ASS1: variants seen among roughly 807,000 people sequenced by gnomAD.
ASS1 encodes the protein argininosuccinate synthase.
ASS1 carries 58 observed loss-of-function variants against 60.5 expected under a neutral mutation model. The observed-to-expected ratio is 0.96, with a 90% CI of 0.78 to 1.19. The LOEUF (loss-of-function observed/expected upper bound fraction) is 1.19, where lower values mean the gene tolerates loss of function less well. ASS1 is among the 50% of genes most tolerant of loss of function. The probability of loss-of-function intolerance (pLI) is 0.00; values close to 1 mark genes in which losing one functional copy is unlikely to be tolerated. For synonymous variants in ASS1, 200 were observed against 206.9 expected (o/e 0.97, Z 0.29); for missense variants, 454 against 547.3 (o/e 0.83, Z 1.70).
rs546095667 is a variant in ASS1, at chr9:130,476,739, G to A, written c.598-132G>A. On this transcript the variant is annotated intron_variant, in intron 8 of 14. Transcript: ENST00000352480. The surrounding 1 kb of genome is among the most constrained non-coding windows in gnomAD (Gnocchi z 4.9). ...TGCTAGGCTGAGGGCTGGGGACCGGGGGATCTGCCGGACCCCACCAGCTGG... is the reference window on the plus strand; with the variant it reads ...TGCTAGGCTGAGGGCTGGGGACCGGAGGATCTGCCGGACCCCACCAGCTGG... 10 of 865,422 alleles carry A rather than the reference G, an allele frequency of 1.2e-5. No homozygotes were observed. In the South Asian group the frequency reaches 1.3e-4, roughly 12 times the overall value. The allele number at this position is 865,422 out of a possible 1,614,324, so 53.6% of individuals were successfully genotyped here.
intron 1 of ASS1, among the ~76,000 whole-genome samples, chr9:130,451,427 G>A (rs538820632): frequency 5.3e-5 from 8 of 152,130 alleles, no homozygotes; most frequent in Admixed American, 5.2e-4. Context: ...TCCACACTGG[G>A]GGAAGTTGGT....
intron 13 of ASS1, among the ~76,000 whole-genome samples, chr9:130,499,223 G>A (rs1443940813): frequency 6.6e-6 from 1 of 152,184 alleles, no homozygotes; most frequent in East Asian, 1.9e-4. Flanking sequence ...GGCTAGTTCT[G>A]GGGTGGCTGC....
intron 8 of ASS1, 57 bp downstream of exon 8, chr9:130,471,572 A>C: frequency 6.4e-7 from 1 of 1,558,530 alleles, no homozygotes; most frequent in Non-Finnish European, 8.9e-7. Flanking sequence ...TAGCAGCTCC[A>C]TGCCGATGCT....
chr9:130,452,393 C>T (rs1845348810), intron 2 of ASS1, 60 bp downstream of exon 2: 5 of 1,445,684 alleles, frequency 3.5e-6, no homozygotes, highest in Non-Finnish European at 4.9e-6. Flanking sequence ...CCTGTCTGCC[C>T]CCTGCCAGCC....
intron 8 of ASS1, among the ~76,000 whole-genome samples, chr9:130,473,566 A>G (rs938141108): frequency 6.6e-5 from 10 of 152,130 alleles, no homozygotes; most frequent in African/African-American, 2.2e-4. Flanking sequence ...AGACTCCCCA[A>G]GGGCTTTGTG....
chr9:130,493,532 C>T (rs545660200), intron 12 of ASS1, among the ~76,000 whole-genome samples: 104 of 152,294 alleles, frequency 6.8e-4, no homozygotes, highest in Admixed American at 4.6e-3. Flanking sequence ...GCCCCAGGAC[C>T]CCATCCCAGA....
In ASS1 at chr9:130,490,560, C is replaced by T. The variant is rs183093646; in HGVS notation, c.970+1096C>T. 6.0e-3 allele frequency among the ~76,000 whole-genome samples: 913 copies of T among 152,164 alleles called. 8 individuals are homozygous for T. Among genetic ancestry groups the T allele is most frequent in the African/African-American group, 0.02 (827 of 41,486 alleles). On this transcript the variant is annotated intron_variant, in intron 12 of 14. Coordinates refer to ENST00000352480, the MANE Select transcript of ASS1 (RefSeq NM_054012.4). ...AACTCCTGATCTCAGGTGATCCGCCCGTCTTGGCCTCCCAAAGTGCTAGGA... is the reference window on the plus strand; with the variant it reads ...AACTCCTGATCTCAGGTGATCCGCCTGTCTTGGCCTCCCAAAGTGCTAGGA...
intron 5 of ASS1, among the ~76,000 whole-genome samples, chr9:130,465,406 T>A (rs185037357): frequency 4.0e-4 from 61 of 152,390 alleles, no homozygotes; most frequent in Non-Finnish European, 6.9e-4. Context: ...TCCAAAATAT[T>A]ATCATTCCTC....
intron 11 of ASS1, among the ~76,000 whole-genome samples, chr9:130,484,912 G>A (rs547820039): frequency 1.7e-4 from 26 of 152,272 alleles, no homozygotes; most frequent in Admixed American, 2.0e-4. Flanking sequence ...AAAGGAGCAG[G>A]AATATTAATT....
intron 3 of ASS1, 34 bp from the exon 4 acceptor site, chr9:130,458,367 C>T (rs1281211353): frequency 6.2e-7 from 1 of 1,611,742 alleles, no homozygotes; most frequent in African/African-American, 1.3e-5. Context: ...CCTGTCCTTG[C>T]CTACTTCTTC....
intron 2 of ASS1, among the ~76,000 whole-genome samples, chr9:130,453,197 G>A (rs559221173): frequency 7.7e-4 from 118 of 152,336 alleles, no homozygotes; most frequent in Non-Finnish European, 1.4e-3. Context: ...GACCCACCAC[G>A]CATTAGTCCC....
intron 1 of ASS1, among the ~76,000 whole-genome samples, chr9:130,447,736 G>A (rs1370766488): frequency 6.6e-6 from 1 of 152,212 alleles, no homozygotes; most frequent in African/African-American, 2.4e-5. Flanking sequence ...GCAGCTCCCA[G>A]GAAGAAAGCC....
Position 130,480,407 on chromosome 9 carries a change from A to G in ASS1, c.796A>G (p.Ile266Val), listed in dbSNP as rs377221825. ...CAGGGGCAAGCATGGCGTGGGCCGT[A>G]TTGACATCGTGGAGAACCGCTTCAT... ...EVAGKHGVGR[I>V]DIVENRFIGM... is the part of the protein sequence containing the mutation. Residue 266 changes from isoleucine (I) to valine (V), a missense_variant, in exon 11 of 15, where the codon ATT becomes GTT. Transcript: ENST00000352480. 4.9e-5 allele frequency: 79 copies of G among 1,614,076 alleles called. 1 individual carries two copies. Among genetic ancestry groups the G allele is most frequent in the Non-Finnish European group, 6.4e-5 (75 of 1,180,042 alleles).
intron 1 of ASS1, 198 bp from the exon 2 acceptor site, chr9:130,452,024 CTG>C (rs1284560219): frequency 5.8e-6 from 4 of 685,188 alleles, no homozygotes; most frequent in Non-Finnish European, 1.1e-5. Flanking sequence ...GTCTGTGGGG[CTG>C]TGTGCAGAGT....
intron 13 of ASS1, among the ~76,000 whole-genome samples, chr9:130,495,472 T>C (rs28665572): frequency 0.49 from 71,280 of 146,744 alleles, 19,858 homozygotes; most frequent in Non-Finnish European, 0.62. Context: ...CACATACATA[T>C]ACACACACAC....
chr9:130,449,300 A>G (rs139002499), intron 1 of ASS1, among the ~76,000 whole-genome samples: 2 of 146,816 alleles, frequency 1.4e-5, no homozygotes, highest in African/African-American at 2.5e-5. Flanking sequence ...CTGAGATTGC[A>G]TCACTGCACT....
intron 4 of ASS1, among the ~76,000 whole-genome samples, chr9:130,460,278 G>A (rs1267630693): frequency 6.6e-6 from 1 of 152,182 alleles, no homozygotes; most frequent in East Asian, 1.9e-4. Context: ...CACCAGGATG[G>A]CACCTGTCAT....
chr9:130,478,847 C>T lies in ASS1; in HGVS notation c.689-869C>T, dbSNP rs542804532. The stretch of plus-strand genomic sequence containing the variant: ...TTAAGAATGGCGAGGCTGACAGCGC[C>T]TTGAGTGAAGCCCCTCCAAGCGGCG... On this transcript the variant is annotated intron_variant, in intron 9 of 14. Coordinates refer to ENST00000352480, the MANE Select transcript of ASS1 (RefSeq NM_054012.4). This position sits in a 1 kb window ranked among gnomAD's most constrained non-coding sequence, Gnocchi z 4.7. Among the ~76,000 whole-genome samples, 22 of 152,322 alleles carry T rather than the reference C, an allele frequency of 1.4e-4. No homozygotes were observed. The highest frequency in any genetic ancestry group is 4.6e-4 in the Admixed American group (7 of 15,310).
At chr9:130,460,684 G>A (rs1845568488) in intron 4 of ASS1, among the ~76,000 whole-genome samples, 1 of 152,232 alleles carries the variant, frequency 6.6e-6, no homozygotes, top group Admixed American at 6.5e-5. Context: ...ATAGGGCCAG[G>A]ACTGGGCTGA....
Sources: allele counts gnomAD v4.1 joint callset (sites outside exome capture counted in the v4.1 genomes callset), GRCh38; gene constraint gnomAD v4.1.1; non-coding constraint Gnocchi (gnomAD v3.1); transcripts MANE v1.5; gene names NCBI Gene and HGNC (gene_info 2026-07-23, HGNC 2026-07-21).